Variants in NXPE1 observed in about 807,000 individuals in gnomAD.
The protein encoded by NXPE1 is NXPE family member 1.
A neutral mutation model predicts 33.3 loss-of-function variants in NXPE1; 31 were observed. The ratio of observed to expected loss-of-function variants is 0.93; its 90% CI spans 0.70 to 1.26. NXPE1 has a LOEUF of 1.26. NXPE1 is among the 50% of genes most tolerant of loss of function. The probability of loss-of-function intolerance (pLI) is 0.00; values close to 1 mark genes in which losing one functional copy is unlikely to be tolerated. For synonymous variants in NXPE1, 229 were observed against 231.4 expected (o/e 0.99, Z 0.09); for missense variants, 661 against 655.6 (o/e 1.01, Z -0.09).
chr11:114,520,270 C>T (rs1341466628), downstream of NXPE1, among the ~76,000 whole-genome samples: 1 of 152,160 alleles, frequency 6.6e-6, no homozygotes, highest in Non-Finnish European at 1.5e-5. Context: ...TTTTCTCTTC[C>T]TCCCAGCCTG....
chr11:114,525,353 T>C (rs1947336790), intron 7 of NXPE1, among the ~76,000 whole-genome samples: 1 of 151,952 alleles, frequency 6.6e-6, no homozygotes, highest in Non-Finnish European at 1.5e-5. Flanking sequence ...TCTTAAAACC[T>C]GTGAATATGT....
chr11:114,547,472 C>T (rs545012985), intron 5 of NXPE1, among the ~76,000 whole-genome samples: 1 of 152,122 alleles, frequency 6.6e-6, no homozygotes, highest in Non-Finnish European at 1.5e-5. Flanking sequence ...CGGTGGCTCA[C>T]GCCTGTAATC....
chr11:114,536,915 C>G (rs1047248086), intron 5 of NXPE1, among the ~76,000 whole-genome samples: 3 of 152,154 alleles, frequency 2.0e-5, no homozygotes, highest in African/African-American at 7.2e-5. Flanking sequence ...CGGGAATCCT[C>G]CCTAACTCAT....
In NXPE1 at chr11:114,551,956, T is replaced by G. The variant is rs1480867377; in HGVS notation, c.-70+18A>C. The G allele has an allele frequency of 6.6e-6, 1 of 152,242 alleles. No individual in the cohort carries two copies. The highest frequency in any genetic ancestry group is 2.4e-5 in the African/African-American group (1 of 41,474). 9.4% of individuals were successfully genotyped at this position (152,242 alleles called of 1,614,324 possible). A position where few individuals can be genotyped will look rare whatever the true frequency, so the allele number is the denominator to read the frequency against. On this transcript the variant is annotated intron_variant, in intron 3 of 8. Transcript: ENST00000534921. Reference sequence around the variant, plus strand: ...TTTTAGGAAACAAAATGTAAAGCCTTGCCTCTTTGTCCCTTACCAAATCCT... The same window carrying G: ...TTTTAGGAAACAAAATGTAAAGCCTGGCCTCTTTGTCCCTTACCAAATCCT...
At chr11:114,530,024 G>A in intron 6 of NXPE1, 151 bp downstream of exon 6, 1 of 733,464 alleles carries the variant, frequency 1.4e-6, no homozygotes, top group Admixed American at 2.8e-5. Flanking sequence ...TTGGCCTAGA[G>A]TGGTGAGTAG....
chr11:114,534,924 C>G lies in NXPE1; in HGVS notation c.100-4016G>C, dbSNP rs796895187. Among the ~76,000 whole-genome samples, 54 of 152,272 alleles carry G rather than the reference C, an allele frequency of 3.5e-4. 1 individual carries two copies. The highest frequency in any genetic ancestry group is 3.4e-3 in the Middle Eastern group (1 of 294). On this transcript the variant is annotated intron_variant, in intron 5 of 8. Transcript: ENST00000534921. ...GGCCAACATTCAAATTCAGGAAATA[C>G]AGAGAACGCCACTAAGATACTCCTA... is the stretch of plus-strand genomic sequence containing the variant.
chr11:114,551,703 A>C (rs1460112108), intron 3 of NXPE1, among the ~76,000 whole-genome samples: 1 of 152,142 alleles, frequency 6.6e-6, no homozygotes, highest in Admixed American at 6.5e-5. Context: ...CTGAATGCCA[A>C]GTCTGAAATT....
chr11:114,524,434 C>G (rs1947307005), intron 7 of NXPE1, among the ~76,000 whole-genome samples: 1 of 152,114 alleles, frequency 6.6e-6, no homozygotes, highest in African/African-American at 2.4e-5. Flanking sequence ...GTATTTGTAA[C>G]CTATGGACAA....
intron 4 of NXPE1, 44 bp from the exon 5 acceptor site, chr11:114,551,255 C>T (rs200234387): frequency 2.2e-6 from 3 of 1,341,762 alleles, no homozygotes; most frequent in Non-Finnish European, 3.1e-6. Flanking sequence ...AAGTGAATCT[C>T]TCTGTACTCA....
At chr11:114,559,304 C>T (rs773952807) in intron 1 of NXPE1, among the ~76,000 whole-genome samples, 12 of 152,194 alleles carry the variant, frequency 7.9e-5, no homozygotes, top group Non-Finnish European at 1.6e-4. Flanking sequence ...GGAAACTTTC[C>T]AGCATAACTC....
At chr11:114,537,703 A>T (rs1947891189) in intron 5 of NXPE1, among the ~76,000 whole-genome samples, 1 of 152,122 alleles carries the variant, frequency 6.6e-6, no homozygotes, top group South Asian at 2.1e-4. Flanking sequence ...AGAATAAAAT[A>T]CCTAGGAATC....
exon 8 of NXPE1, chr11:114,522,891 T>C (rs1947257350): frequency 1.2e-6 from 2 of 1,611,358 alleles, no homozygotes; most frequent in Admixed American, 1.7e-5. Flanking sequence ...TTTACAACTT[T>C]GGGGAAGTAG....
At chr11:114,544,589 C>T (rs1948211589) in intron 5 of NXPE1, among the ~76,000 whole-genome samples, 1 of 152,102 alleles carries the variant, frequency 6.6e-6, no homozygotes, top group African/African-American at 2.4e-5. Flanking sequence ...AAATGGATGA[C>T]AGACCTAAAT....
At chr11:114,551,198 A>T (rs1251291812) in exon 5 of NXPE1, 1 of 1,531,546 alleles carries the variant, frequency 6.5e-7, no homozygotes. Flanking sequence ...GTATTTGAGG[A>T]CATGACGAAT....
chr11:114,521,927 G>A, exon 9 of NXPE1: 1 of 1,387,694 alleles, frequency 7.2e-7, no homozygotes, highest in Non-Finnish European at 1.0e-6. Context: ...GGGATTATGT[G>A]CAGAGATTGG....
At chr11:114,549,307 T>C (rs1160757406) in intron 5 of NXPE1, among the ~76,000 whole-genome samples, 1 of 152,060 alleles carries the variant, frequency 6.6e-6, no homozygotes, top group African/African-American at 2.4e-5. Flanking sequence ...AACCTAATAT[T>C]GTACCAAGAA....
chr11:114,522,613 G>A (rs1027036951), intron 8 of NXPE1, 110 bp from the exon 9 acceptor site: 101 of 922,966 alleles, frequency 1.1e-4, no homozygotes, highest in Non-Finnish European at 1.1e-4. Flanking sequence ...TTGCTCACTG[G>A]AGCCTTTCTA....
downstream of NXPE1, among the ~76,000 whole-genome samples, chr11:114,520,062 A>G (rs1169120636): frequency 6.6e-6 from 1 of 152,044 alleles, no homozygotes; most frequent in Non-Finnish European, 1.5e-5. Flanking sequence ...TAGGCCTCCC[A>G]AAGTGCTGGC....
intron 5 of NXPE1, among the ~76,000 whole-genome samples, chr11:114,539,697 G>A (rs1006131536): frequency 6.6e-6 from 1 of 151,654 alleles, no homozygotes; most frequent in Non-Finnish European, 1.5e-5. Flanking sequence ...TTATAAAGAG[G>A]AACTATTTAA....
Sources: gnomAD v4.1 joint callset for allele counts (sites outside exome capture counted in the v4.1 genomes callset) on GRCh38, gnomAD v4.1.1 for gene constraint, MANE v1.5 for transcripts, NCBI Gene and HGNC (gene_info 2026-07-23, HGNC 2026-07-21) for gene names.